The following NSUN2 variants were observed in gnomAD, a reference collection of about 807,000 sequenced individuals.
The protein encoded by NSUN2 is RNA cytosine C(5)-methyltransferase NSUN2.
A neutral mutation model predicts 92.7 loss-of-function variants in NSUN2; 63 were observed. That is an observed-to-expected ratio of 0.68 (90% CI 0.56 to 0.84). The LOEUF (loss-of-function observed/expected upper bound fraction) is 0.84, where lower values mean the gene tolerates loss of function less well. Ranked by LOEUF, NSUN2 falls within the 40% of genes least tolerant of loss-of-function variation. The pLI is 0.00. For missense variants in NSUN2, 989 were observed against 964.9 expected (o/e 1.02, Z -0.33); for synonymous variants, 356 against 348.3 (o/e 1.02, Z -0.25).
Position 6,623,241 on chromosome 5 carries a change from C to T in NSUN2, c.510G>A (p.Leu170=), listed in dbSNP as rs144888290. Reference sequence around the variant, plus strand: ...TATGATGAGGCCGCACGTTGAGGAGCAGTGGTGGGATCATGCTAACAGCTT... The same window carrying T: ...TATGATGAGGCCGCACGTTGAGGAGTAGTGGTGGGATCATGCTAACAGCTT... ...RQEAVSMIPP[L]LLNVRPHHKI... Residue 170 remains leucine, a synonymous_variant, in exon 5 of 19, where the codon CTG becomes CTA. Transcript: ENST00000264670. The T allele has an allele frequency of 2.4e-3, 3,921 of 1,603,058 alleles. 78 individuals are homozygous for T. The Admixed American group carries it at 0.045, about 18-fold the overall frequency.
chr5:6,606,533 T>C (rs866685718), intron 14 of NSUN2, among the ~76,000 whole-genome samples: 14 of 151,986 alleles, frequency 9.2e-5, no homozygotes, highest in Admixed American at 3.9e-4. Flanking sequence ...GCTCCGCCCG[T>C]CTCGGCCTCC....
intron 5 of NSUN2, among the ~76,000 whole-genome samples, chr5:6,622,847 CAAAA>C (rs36124758): frequency 7.9e-6 from 1 of 126,926 alleles, no homozygotes. Flanking sequence ...AACTCCATCT[CAAAA>C]AAAAAAAAAA....
rs1456260259 is a variant in NSUN2, at chr5:6,632,732, T to C, written c.121A>G (p.Ile41Val). Residue 41 changes from isoleucine (I) to valine (V), a missense_variant, in exon 2 of 19, where the codon ATC (isoleucine) becomes GTC (valine). By Grantham distance (29) the Ile-to-Val change is conservative. This residue lies in a region of NSUN2 where 356 missense variants were observed against 338.6 expected (regional missense o/e 1.05). Coordinates refer to ENST00000264670, the MANE Select transcript of NSUN2 (RefSeq NM_017755.6). The part of the protein sequence containing the change: ...EAGWEGGYPE[I>V]VKENKLFEHY... ...TCGAACAGCTTGTTCTCCTTGACGATCTCGGGGTAGCCTCCTTCCCAGCCC... is the reference window on the plus strand; with the variant it reads ...TCGAACAGCTTGTTCTCCTTGACGACCTCGGGGTAGCCTCCTTCCCAGCCC... 2 of 1,613,886 alleles carry C rather than the reference T, an allele frequency of 1.2e-6. No homozygotes were observed. The highest frequency in any genetic ancestry group is 2.2e-5 in the East Asian group (1 of 44,860).
At chr5:6,622,857 A>AAAAAAG (rs1653626702) in intron 5 of NSUN2, among the ~76,000 whole-genome samples, 1 of 151,184 alleles carries the variant, frequency 6.6e-6, no homozygotes, top group Admixed American at 6.6e-5. Flanking sequence ...CAAAAAAAAA[A>AAAAAAG]AAAAGAAAAG....
chr5:6,619,663 T>G (rs560921572), intron 7 of NSUN2, among the ~76,000 whole-genome samples: 22 of 152,354 alleles, frequency 1.4e-4, no homozygotes, highest in African/African-American at 5.0e-4. Flanking sequence ...ATTTCTTTCA[T>G]TCAACTAAAT....
At chr5:6,623,181 C>T (rs1367482543) in intron 5 of NSUN2, 33 bp downstream of exon 5, 2 of 1,564,652 alleles carry the variant, frequency 1.3e-6, no homozygotes, top group Non-Finnish European at 1.7e-6. Flanking sequence ...TAACAAGCTG[C>T]CCGCCCCCAC....
intron 3 of NSUN2, among the ~76,000 whole-genome samples, chr5:6,631,458 G>A (rs1366169564): frequency 1.3e-5 from 2 of 152,004 alleles, no homozygotes; most frequent in African/African-American, 4.8e-5. Context: ...CCTGACAGCA[G>A]ACAGTGGTAA....
chr5:6,605,515 T>G (rs1579356066), intron 14 of NSUN2, 107 bp from the exon 15 acceptor site: 172 of 1,114,026 alleles, frequency 1.5e-4, no homozygotes, highest in Middle Eastern at 2.5e-4. Context: ...AAAACTGCAG[T>G]GTGGTTCAAG....
At chr5:6,623,379 A>C in intron 4 of NSUN2, 94 bp from the exon 5 acceptor site, 1 of 1,020,818 alleles carries the variant, frequency 9.8e-7, no homozygotes, top group Non-Finnish European at 1.4e-6. Context: ...GCAACAGGAA[A>C]ACAGCACATA....
Position 6,623,955 on chromosome 5 carries a change from C to G in NSUN2, c.466-670G>C, listed in dbSNP as rs146531228. Among the ~76,000 whole-genome samples, 113 of 152,316 alleles carry G rather than the reference C, an allele frequency of 7.4e-4. No individual in the cohort carries two copies. In the East Asian group the frequency reaches 0.019, roughly 25 times the overall value. On this transcript the variant is annotated intron_variant, in intron 4 of 18. Coordinates refer to ENST00000264670, the MANE Select transcript of NSUN2 (RefSeq NM_017755.6). ...CTGCCCAGCACTAGCCTCAACCACA[C>G]CTCTACTTTAATCGCCTTGAAGCTG...
At chr5:6,600,263 T>TTAAACA in intron 18 of NSUN2, 31 bp from the exon 19 acceptor site, 1 of 1,583,904 alleles carries the variant, frequency 6.3e-7, no homozygotes. Context: ...ATGTAGAACA[T>TTAAACA]TAAACATTCC....
At chr5:6,600,260 A>C (rs781568909) in intron 18 of NSUN2, 28 bp from the exon 19 acceptor site, 26 of 1,585,018 alleles carry the variant, frequency 1.6e-5, no homozygotes, top group Non-Finnish European at 2.0e-5. Flanking sequence ...TTCATGTAGA[A>C]CATTAAACAT....
At position 6,611,770 on chromosome 5, in the gene NSUN2, A is replaced by C. The variant is rs1210752014; in HGVS notation, c.1050T>G (p.Asn350Lys). The C allele has an allele frequency of 6.2e-7, 1 of 1,614,208 alleles. No homozygotes were observed. The highest frequency in any genetic ancestry group is 2.2e-5 in the East Asian group (1 of 44,890). ...GCATCCACTTCAGCCCTGGCAGTTC[A>C]TTAGACACATCAGCAAGCTCCAAAG... ...EGALELADVS[N>K]ELPGLKWMPG... Residue 350 changes from asparagine (N) to lysine (K), a missense_variant, in exon 10 of 19, where the codon AAT (asparagine) becomes AAG (lysine). Asn to Lys is a moderately conservative substitution (Grantham distance 94, BLOSUM62 0). This residue lies in a region of NSUN2 where 626 missense variants were observed against 602.3 expected (regional missense o/e 1.04). Coordinates refer to ENST00000264670, the MANE Select transcript of NSUN2 (RefSeq NM_017755.6).
Position 6,604,708 on chromosome 5 carries a change from A to C in NSUN2, c.1738-23T>G, listed in dbSNP as rs1374951881. The C allele has an allele frequency of 9.5e-6, 15 of 1,587,044 alleles. No individual in the cohort carries two copies. The Admixed American group carries it at 1.5e-4, about 16-fold the overall frequency. On this transcript the variant is annotated intron_variant, in intron 15 of 18. Transcript: ENST00000264670. ...AACCTGTAAGTAAAAAAATAAGATG[A>C]AACACAGAGAGATGAAGACAGGACC...
rs1178079587 is a variant in NSUN2, at chr5:6,616,771, A to G, written c.977T>C (p.Ile326Thr). 3 of 1,613,966 alleles carry G rather than the reference A, an allele frequency of 1.9e-6. No individual in the cohort carries two copies. The highest frequency in any genetic ancestry group is 1.1e-5 in the South Asian group (1 of 91,086). The change falls in exon 9 of 19, where the codon ATT becomes ACT. Residue 326 changes from isoleucine (I) to threonine (T), a missense_variant. Transcript: ENST00000264670. Reference protein sequence around the residue: ...MVYSTCSLNPIEDEAVIASLL... With the variant: ...MVYSTCSLNPTEDEAVIASLL... Reference sequence around the variant, plus strand: ...AGATGCTATGACTGCTTCATCCTCAATAGGGTTTAGTGAACACGTGGAATA... The same window carrying G: ...AGATGCTATGACTGCTTCATCCTCAGTAGGGTTTAGTGAACACGTGGAATA...
rs772051057 is a variant in NSUN2 at position 6,623,231 on chromosome 5, C to T, written c.520G>A (p.Val174Met). The change falls in exon 5 of 19, where the codon GTG becomes ATG. Residue 174 changes from valine (V) to methionine (M), a missense_variant. Around this residue, in one of 3 missense-constraint regions of NSUN2, gnomAD observed 356 missense variants for 338.6 expected, o/e 1.05. Coordinates refer to ENST00000264670, the MANE Select transcript of NSUN2 (RefSeq NM_017755.6). ...TATGCTACCTTATGATGAGGCCGCACGTTGAGGAGCAGTGGTGGGATCATG... is the reference window on the plus strand; with the variant it reads ...TATGCTACCTTATGATGAGGCCGCATGTTGAGGAGCAGTGGTGGGATCATG... ...VSMIPPLLLN[V>M]RPHHKILDMC... 5.0e-6 allele frequency: 8 copies of T among 1,605,240 alleles called. No homozygotes were observed. Among genetic ancestry groups the T allele is most frequent in the East Asian group, 2.2e-5 (1 of 44,618 alleles).
intron 7 of NSUN2, among the ~76,000 whole-genome samples, chr5:6,619,605 G>T (rs951785399): frequency 2.0e-5 from 3 of 152,114 alleles, no homozygotes; most frequent in African/African-American, 7.2e-5. Context: ...CTCAAGAAAG[G>T]TATAAAAACA....
chr5:6,632,713 A>C lies in NSUN2; in HGVS notation c.140T>G (p.Leu47Arg). Residue 47 changes from leucine to arginine, a missense_variant, in exon 2 of 19, where the codon CTG becomes CGG. This residue lies in a region of NSUN2 where 356 missense variants were observed against 338.6 expected (regional missense o/e 1.05). Transcript: ENST00000264670. The part of the protein sequence containing the change: ...GYPEIVKENK[L>R]FEHYYQELKI... ...GAGCTCCTGGTAGTAGTGCTCGAAC[A>C]GCTTGTTCTCCTTGACGATCTCGGG... 2 of 1,613,834 alleles carry C rather than the reference A, an allele frequency of 1.2e-6. No homozygotes were observed. Among genetic ancestry groups the C allele is most frequent in the Non-Finnish European group, 1.7e-6 (2 of 1,179,904 alleles).
Position 6,616,750 on chromosome 5 carries a change from G to A in NSUN2, c.998C>T (p.Ala333Val). The A allele has an allele frequency of 2.0e-6, 3 of 1,484,782 alleles. 1 individual carries two copies. In the East Asian group the frequency reaches 7.5e-5, roughly 37 times the overall value. The allele number at this position is 1,484,782 out of a possible 1,614,324, so 92.0% of individuals were successfully genotyped here. Residue 333 changes from alanine (A) to valine (V), a missense_variant, in exon 9 of 19, where the codon GCA becomes GTA. Around this residue, in one of 3 missense-constraint regions of NSUN2, gnomAD observed 626 missense variants for 602.3 expected, o/e 1.04. Coordinates refer to ENST00000264670, the MANE Select transcript of NSUN2 (RefSeq NM_017755.6). ...ACCTTCACTTTTTTCCAGTAAAGAT[G>A]CTATGACTGCTTCATCCTCAATAGG... Reference protein sequence around the residue: ...LNPIEDEAVIASLLEKSEGAL... With the variant: ...LNPIEDEAVIVSLLEKSEGAL...
Sources: gnomAD v4.1 joint callset for allele counts (sites outside exome capture counted in the v4.1 genomes callset) on GRCh38, gnomAD v4.1.1 for gene constraint, gnomAD v4.1.1 regional missense constraint, MANE v1.5 for transcripts, NCBI Gene and HGNC (gene_info 2026-07-23, HGNC 2026-07-21) for gene names.